HPCAL1: variants seen among roughly 807,000 people sequenced by gnomAD.
HPCAL1 encodes the protein hippocalcin like 1, also known as hippocalcin-like protein 1.
HPCAL1 carries 8 observed loss-of-function variants against 17.1 expected under a neutral mutation model. The observed-to-expected ratio is 0.47, with a 90% CI of 0.27 to 0.84. The LOEUF (loss-of-function observed/expected upper bound fraction) is 0.84. HPCAL1 is among the 40% of genes least tolerant of loss of function. The pLI, the probability that HPCAL1 is intolerant of heterozygous loss-of-function variation, is 0.13. For missense variants in HPCAL1, 165 were observed against 271.1 expected (o/e 0.61, Z 2.75); for synonymous variants, 112 against 111.4 (o/e 1.01, Z -0.03).
At chr2:10,339,956 T>A (rs1223031013) in intron 1 of HPCAL1, among the ~76,000 whole-genome samples, 1 of 152,086 alleles carries the variant, frequency 6.6e-6, no homozygotes, top group Non-Finnish European at 1.5e-5. Flanking sequence ...ATGTGAGGGG[T>A]ATGGGGAGGG....
Position 10,367,030 on chromosome 2 carries a change from A to T in HPCAL1, c.-110-29805A>T, listed in dbSNP as rs552258776. Among the ~76,000 whole-genome samples the T allele has an allele frequency of 3.2e-4, 49 of 152,134 alleles. No homozygotes were observed. The South Asian group carries it at 0.01, about 32-fold the overall frequency. The stretch of plus-strand genomic sequence containing the variant: ...GGAGGCTGCCTGAGATCCCACAGTG[A>T]GGCTGGCCCTGCCCTTGCTCGCCCA... On this transcript the variant is annotated intron_variant, in intron 1 of 4. Coordinates refer to ENST00000307845, the MANE Select transcript of HPCAL1 (RefSeq NM_002149.4). The surrounding 1 kb of genome is among the most constrained non-coding windows in gnomAD (Gnocchi z 4.4).
chr2:10,405,444 G>A (rs1302885104), intron 2 of HPCAL1, among the ~76,000 whole-genome samples: 1 of 152,268 alleles, frequency 6.6e-6, no homozygotes, highest in Admixed American at 6.5e-5. Context: ...GCTGGGTGCT[G>A]GCAGGGCAGG....
chr2:10,363,726 A>T lies in HPCAL1; in HGVS notation c.-110-33109A>T, dbSNP rs1169111265. Among the ~76,000 whole-genome samples, 1 of 152,166 alleles carries T rather than the reference A, an allele frequency of 6.6e-6. No homozygotes were observed. The highest frequency in any genetic ancestry group is 2.4e-5 in the African/African-American group (1 of 41,440). On this transcript the variant is annotated intron_variant, in intron 1 of 4. Transcript: ENST00000307845. This position sits in a 1 kb window ranked among gnomAD's most constrained non-coding sequence, Gnocchi z 4.7. ...CGGAGGTGGCTCTGAGGCCAGCCAC[A>T]GTTTGGGCACGGCAAGGCTGGGGAG...
rs1350955815 is a variant in HPCAL1, at chr2:10,304,538, G to C, written c.-111+1361G>C. Among the ~76,000 whole-genome samples, 1 of 152,102 alleles carries C rather than the reference G, an allele frequency of 6.6e-6. No homozygotes were observed. Among genetic ancestry groups the C allele is most frequent in the African/African-American group, 2.4e-5 (1 of 41,394 alleles). On this transcript the variant is annotated intron_variant, in intron 1 of 4. Coordinates refer to ENST00000307845, the MANE Select transcript of HPCAL1 (RefSeq NM_002149.4). The surrounding 1 kb of genome is among the most constrained non-coding windows in gnomAD (Gnocchi z 4.1). ...CCCTTGCAGCCAGCCTCATGCCGGG[G>C]GTGCCACATGGGACACCTCCTCCTA...
rs73914044 is a variant in HPCAL1, at chr2:10,317,044, C to A, written c.-111+13867C>A. Among the ~76,000 whole-genome samples, 1,103 of 152,320 alleles carry A rather than the reference C, an allele frequency of 7.2e-3. 19 individuals carry two copies. Among genetic ancestry groups the A allele is most frequent in the African/African-American group, 0.025 (1,057 of 41,554 alleles). ...AGGCAGGAAGCCTGCTCGCCTATCA[C>A]TGGAGACAGGTAGGTTGCTATGGAG... On this transcript the variant is annotated intron_variant, in intron 1 of 4. Coordinates refer to ENST00000307845, the MANE Select transcript of HPCAL1 (RefSeq NM_002149.4).
chr2:10,405,744 G>A (rs1214405667), intron 2 of HPCAL1, among the ~76,000 whole-genome samples: 1 of 152,206 alleles, frequency 6.6e-6, no homozygotes, highest in Non-Finnish European at 1.5e-5. Flanking sequence ...GCCAGGGTGG[G>A]GGCCTCGGGC....
intron 1 of HPCAL1, among the ~76,000 whole-genome samples, chr2:10,356,586 G>A (rs1005394535): frequency 2.6e-5 from 4 of 152,152 alleles, no homozygotes; most frequent in African/African-American, 7.2e-5. Flanking sequence ...CCGGTCCTAC[G>A]TATAAGGTGG....
chr2:10,396,499 T>G (rs1190733771), intron 1 of HPCAL1, among the ~76,000 whole-genome samples: 1 of 152,194 alleles, frequency 6.6e-6, no homozygotes, highest in Non-Finnish European at 1.5e-5. Flanking sequence ...GATTTGAACC[T>G]GAGTTTGTGG....
Position 10,377,824 on chromosome 2 carries a change from C to T in HPCAL1, c.-110-19011C>T, listed in dbSNP as rs1173705673. On this transcript the variant is annotated intron_variant, in intron 1 of 4. Transcript: ENST00000307845. The surrounding 1 kb of genome is among the most constrained non-coding windows in gnomAD (Gnocchi z 5.9). ...CATCCCCATCCCCAGGGTGGTGAGC[C>T]ACCGAGGGGGGCCAGGCACGGGGGA... Among the ~76,000 whole-genome samples, 1 of 152,164 alleles carries T rather than the reference C, an allele frequency of 6.6e-6. No homozygotes were observed. Among genetic ancestry groups the T allele is most frequent in the African/African-American group, 2.4e-5 (1 of 41,432 alleles).
At chr2:10,341,667 A>G (rs1016132825) in intron 1 of HPCAL1, among the ~76,000 whole-genome samples, 4 of 151,966 alleles carry the variant, frequency 2.6e-5, no homozygotes, top group Non-Finnish European at 5.9e-5. Flanking sequence ...GTGGGGAGGG[A>G]TTCCCTCCTG....
At chr2:10,420,701 G>A (rs1671010730) in intron 3 of HPCAL1, among the ~76,000 whole-genome samples, 2 of 152,172 alleles carry the variant, frequency 1.3e-5, no homozygotes, top group Non-Finnish European at 1.5e-5. Flanking sequence ...ACCCAACAAC[G>A]TGGGTCATTC....
chr2:10,407,788 G>A (rs985930480), intron 2 of HPCAL1, among the ~76,000 whole-genome samples: 2 of 152,228 alleles, frequency 1.3e-5, no homozygotes, highest in Non-Finnish European at 2.9e-5. Flanking sequence ...GGAACACGCT[G>A]AGCAGCTTCT....
intron 1 of HPCAL1, among the ~76,000 whole-genome samples, chr2:10,318,950 C>T (rs931362865): frequency 6.6e-6 from 1 of 152,200 alleles, no homozygotes. Context: ...TTGATGGACA[C>T]GGCCTTGTAG....
intron 1 of HPCAL1, among the ~76,000 whole-genome samples, chr2:10,325,893 T>C (rs1663979333): frequency 6.6e-6 from 1 of 152,308 alleles, no homozygotes; most frequent in East Asian, 1.9e-4. Flanking sequence ...GCCGCTGGCC[T>C]TTTTCCACTG....
At chr2:10,422,494 A>T (rs556194933) in intron 3 of HPCAL1, among the ~76,000 whole-genome samples, 1 of 152,294 alleles carries the variant, frequency 6.6e-6, no homozygotes, top group African/African-American at 2.4e-5. Flanking sequence ...CAGTGCCCTA[A>T]ACAGGCCATG....
Position 10,362,379 on chromosome 2 carries a change from T to A in HPCAL1, c.-110-34456T>A, listed in dbSNP as rs1243875740. Among the ~76,000 whole-genome samples the A allele has an allele frequency of 6.6e-6, 1 of 152,030 alleles. No individual in the cohort carries two copies. Among genetic ancestry groups the A allele is most frequent in the Admixed American group, 6.6e-5 (1 of 15,262 alleles). On this transcript the variant is annotated intron_variant, in intron 1 of 4. Transcript: ENST00000307845. The surrounding 1 kb of genome is among the most constrained non-coding windows in gnomAD (Gnocchi z 5.0). ...GGGCCACATGACAGCAAGCAGAGCC[T>A]CGAATGCCTGAGTCCTGGCTCCAGA...
Position 10,420,067 on chromosome 2 carries a change from G to T in HPCAL1, c.310G>T (p.Ala104Ser), listed in dbSNP as rs1351393266. The T allele has an allele frequency of 6.2e-7, 1 of 1,613,812 alleles. No homozygotes were observed. The highest frequency in any genetic ancestry group is 1.1e-5 in the South Asian group (1 of 91,084). ...CAAGCTGGAGCAGAAGCTCAAGTGG[G>T]CCTTCAGCATGTACGACCTGGACGG... ...RGKLEQKLKWAFSMYDLDGNG... is the reference protein window; with the variant it reads ...RGKLEQKLKWSFSMYDLDGNG... Residue 104 changes from alanine (A) to serine (S), a missense_variant, in exon 3 of 5, where the codon GCC becomes TCC. Ala to Ser is a moderately conservative substitution (Grantham distance 99). Transcript: ENST00000307845.
At position 10,356,432 on chromosome 2, in the gene HPCAL1, G is replaced by A. The variant is rs567857411; in HGVS notation, c.-110-40403G>A. 2.0e-5 allele frequency among the ~76,000 whole-genome samples: 3 copies of A among 152,282 alleles called. No individual in the cohort carries two copies. In the East Asian group the frequency reaches 5.8e-4, roughly 29 times the overall value. On this transcript the variant is annotated intron_variant, in intron 1 of 4. Transcript: ENST00000307845. ...GTAAAAGCAAGAGGAGAAGCTTGAG[G>A]GAGGACGGTGTGTGCCAGGACGGTG...
At chr2:10,381,754 A>G (rs1324707813) in intron 1 of HPCAL1, among the ~76,000 whole-genome samples, 3 of 152,258 alleles carry the variant, frequency 2.0e-5, no homozygotes, top group Non-Finnish European at 2.9e-5. Flanking sequence ...GCCCAAATCC[A>G]GGACACTCAG....
Sources: gnomAD v4.1 joint callset for allele counts (sites outside exome capture counted in the v4.1 genomes callset) on GRCh38, gnomAD v4.1.1 for gene constraint, Gnocchi (gnomAD v3.1) non-coding constraint, MANE v1.5 for transcripts, NCBI Gene and HGNC (gene_info 2026-07-23, HGNC 2026-07-21) for gene names.